MCC: variants seen among roughly 807,000 people sequenced by gnomAD.
MCC encodes MCC regulator of Wnt signaling pathway, also known as colorectal mutant cancer protein.
A neutral mutation model predicts 116.2 loss-of-function variants in MCC; 90 were observed. That is an observed-to-expected ratio of 0.77 (90% CI 0.65 to 0.92). The LOEUF (loss-of-function observed/expected upper bound fraction) is 0.92, where lower values mean the gene tolerates loss of function less well. MCC is among the 40% of genes least tolerant of loss of function. MCC has a pLI of 0.00. For missense variants in MCC, 1,516 were observed against 1,312.2 expected, an observed-to-expected ratio of 1.16 and a Z score of -2.40; for synonymous variants, 578 against 510.5, an observed-to-expected ratio of 1.13 and a Z score of -1.78.
chr5:113,221,730 G>A (rs1237952134), intron 3 of MCC, among the ~76,000 whole-genome samples: 1 of 152,324 alleles, frequency 6.6e-6, no homozygotes, highest in East Asian at 1.9e-4. Flanking sequence ...AGTGCAAGAG[G>A]TCAGCTTCAA....
chr5:113,131,136 GAAC>G (rs1167112521), intron 5 of MCC, among the ~76,000 whole-genome samples: 2 of 152,196 alleles, frequency 1.3e-5, no homozygotes, highest in African/African-American at 4.8e-5. Context: ...CAGAGAACAT[GAAC>G]AACTCATGAG....
intron 13 of MCC, among the ~76,000 whole-genome samples, chr5:113,066,294 T>C (rs1477895819): frequency 1.3e-5 from 2 of 152,242 alleles, no homozygotes; most frequent in South Asian, 2.1e-4. Context: ...GATTGACTTT[T>C]TCCTTTAATT....
chr5:113,066,280 A>G (rs1753597539), intron 13 of MCC, among the ~76,000 whole-genome samples: 1 of 152,216 alleles, frequency 6.6e-6, no homozygotes, highest in Non-Finnish European at 1.5e-5. Context: ...CCAACTGGAA[A>G]TACGATTGAC....
At chr5:113,055,188 G>T (rs1356913473) in intron 14 of MCC, among the ~76,000 whole-genome samples, 1 of 152,214 alleles carries the variant, frequency 6.6e-6, no homozygotes, top group Non-Finnish European at 1.5e-5. Context: ...GGAAAGAGGT[G>T]CAACTAGACT....
chr5:113,208,015 C>T (rs1762981917), intron 3 of MCC, among the ~76,000 whole-genome samples: 1 of 152,014 alleles, frequency 6.6e-6, no homozygotes, highest in Admixed American at 6.6e-5. Context: ...GCAATATCTG[C>T]TTGTCAAAGG....
At position 113,132,500 on chromosome 5, in the gene MCC, G is replaced by A. The variant is rs182615410; in HGVS notation, c.885-9674C>T. The stretch of plus-strand genomic sequence containing the variant: ...CACATACATATATATATACAAGCAA[G>A]AAAATATGCACAGCCTAGCCATCTT... On this transcript the variant is annotated intron_variant, in intron 5 of 18. Coordinates refer to ENST00000408903, the MANE Select transcript of MCC (RefSeq NM_001085377.2). Among the ~76,000 whole-genome samples the A allele has an allele frequency of 4.3e-3, 620 of 143,284 alleles. 12 individuals are homozygous for A. The highest frequency in any genetic ancestry group is 4.7e-3 in the Non-Finnish European group (313 of 66,396). The allele number at this position is 143,284 out of a possible 152,430, so 94.0% of individuals were successfully genotyped here. A position where few individuals can be genotyped will look rare whatever the true frequency, so the allele number is the denominator to read the frequency against.
rs144774943 is a variant in MCC, at chr5:113,239,634, G to A, written c.628-88212C>T. On this transcript the variant is annotated intron_variant, in intron 3 of 18. Coordinates refer to ENST00000408903, the MANE Select transcript of MCC (RefSeq NM_001085377.2). The stretch of plus-strand genomic sequence containing the variant: ...AATGTCCAGATGGGGAAGAGGACTC[G>A]AGTTCTGAGACTTCAAAGTGCTGCC... Among the ~76,000 whole-genome samples, 447 of 152,308 alleles carry A rather than the reference G, an allele frequency of 2.9e-3. 5 individuals carry two copies. The highest frequency in any genetic ancestry group is 3.4e-3 in the Non-Finnish European group (231 of 68,032).
chr5:113,107,273 A>G (rs1756800788), intron 6 of MCC, among the ~76,000 whole-genome samples: 1 of 140,786 alleles, frequency 7.1e-6, no homozygotes, highest in Admixed American at 7.8e-5. Context: ...GCTGGAGTGC[A>G]GTGGTGCAGT....
chr5:113,300,380 C>T (rs1317902145), intron 3 of MCC, among the ~76,000 whole-genome samples: 1 of 152,194 alleles, frequency 6.6e-6, no homozygotes, highest in Admixed American at 6.5e-5. Flanking sequence ...TCTCCATTGA[C>T]TCTCTCAAGC....
At chr5:113,127,336 G>C (rs1313750866) in intron 5 of MCC, among the ~76,000 whole-genome samples, 1 of 152,192 alleles carries the variant, frequency 6.6e-6, no homozygotes, top group Non-Finnish European at 1.5e-5. Context: ...CTTTATAGTA[G>C]AATGCTTTAT....
intron 3 of MCC, among the ~76,000 whole-genome samples, chr5:113,155,158 A>C (rs1760101885): frequency 6.6e-6 from 1 of 152,170 alleles, no homozygotes; most frequent in South Asian, 2.1e-4. Context: ...TGCATGGCTT[A>C]CTTCACTTAA....
At chr5:113,313,197 A>G (rs1265289552) in intron 3 of MCC, among the ~76,000 whole-genome samples, 1 of 152,070 alleles carries the variant, frequency 6.6e-6, no homozygotes, top group Admixed American at 6.5e-5. Flanking sequence ...ATACCAAAAA[A>G]TTAGCTGGGT....
rs187683334 is a variant in MCC at position 113,114,676 on chromosome 5, T to C, written c.1027+8008A>G. Among the ~76,000 whole-genome samples the C allele has an allele frequency of 3.0e-4, 46 of 152,254 alleles. 1 individual carries two copies. The highest frequency in any genetic ancestry group is 9.6e-4 in the African/African-American group (40 of 41,548). On this transcript the variant is annotated intron_variant, in intron 6 of 18. Coordinates refer to ENST00000408903, the MANE Select transcript of MCC (RefSeq NM_001085377.2). ...GCAGCTGGATGTCAGAAACTGTGGT[T>C]TGATGTCAGAGAGCAGCAGCTTGAC...
intron 1 of MCC, chr5:113,433,584 T>C (rs1461696360): frequency 5.9e-6 from 6 of 1,013,054 alleles, no homozygotes; most frequent in Admixed American, 5.8e-5. Context: ...GGGAGAACCA[T>C]GTGGGTTACC....
chr5:113,148,014 T>G (rs1354312605), intron 4 of MCC, among the ~76,000 whole-genome samples: 1 of 152,240 alleles, frequency 6.6e-6, no homozygotes, highest in East Asian at 1.9e-4. Context: ...TGCTCACCTA[T>G]TTTAAAGGGG....
In MCC at chr5:113,024,697, G is replaced by C. The variant is rs910326770; in HGVS notation, c.*2605C>G. The C allele has an allele frequency of 1.3e-5, 2 of 152,132 alleles. No individual in the cohort carries two copies. The highest frequency in any genetic ancestry group is 2.9e-5 in the Non-Finnish European group (2 of 68,036). The allele number at this position is 152,132 out of a possible 1,614,324, so 9.4% of individuals were successfully genotyped here. ...TTAGAGAAAAATTCAGGTAGCGCCA[G>C]GTTATTCACAAAGGAAAATTACCCA... On this transcript the variant is annotated 3_prime_UTR_variant, in exon 19 of 19. Transcript: ENST00000408903.
chr5:113,350,045 C>A (rs370528763), intron 2 of MCC, among the ~76,000 whole-genome samples: 1 of 151,708 alleles, frequency 6.6e-6, no homozygotes, highest in East Asian at 1.9e-4. Context: ...TTGAAGAGAA[C>A]CCCCCCAAAA....
chr5:113,147,475 C>A (rs1479289111), intron 4 of MCC, among the ~76,000 whole-genome samples: 5 of 152,172 alleles, frequency 3.3e-5, no homozygotes, highest in African/African-American at 1.2e-4. Context: ...GCTGTCAAAC[C>A]TAAGAGCATT....
intron 3 of MCC, among the ~76,000 whole-genome samples, chr5:113,213,413 G>T (rs1763200993): frequency 6.6e-6 from 1 of 152,202 alleles, no homozygotes; most frequent in Non-Finnish European, 1.5e-5. Context: ...CATGTGAAAT[G>T]CAAGGCATGG....
Sources: gnomAD v4.1 joint callset for allele counts (sites outside exome capture counted in the v4.1 genomes callset) on GRCh38, gnomAD v4.1.1 for gene constraint, MANE v1.5 for transcripts, NCBI Gene and HGNC (gene_info 2026-07-23, HGNC 2026-07-21) for gene names.